CNTN4: variants seen among roughly 807,000 people sequenced by gnomAD.
The protein encoded by CNTN4 is contactin-4.
In CNTN4, 77 loss-of-function variants were observed where a neutral mutation model predicts 122.5. The ratio of observed to expected loss-of-function variants is 0.63; its 90% CI spans 0.52 to 0.76. The LOEUF (loss-of-function observed/expected upper bound fraction) is 0.76. Among genes scored for constraint, CNTN4 ranks in the 30% least tolerant of loss-of-function variants. The pLI is 0.00. For synonymous variants in CNTN4, 512 were observed against 447.0 expected, an observed-to-expected ratio of 1.15 and a Z score of -1.83; for missense variants, 1,256 against 1,259.1, an observed-to-expected ratio of 1.00 and a Z score of 0.04.
chr3:2,422,803 A>G (rs1042884699), intron 3 of CNTN4, among the ~76,000 whole-genome samples: 1 of 152,172 alleles, frequency 6.6e-6, no homozygotes, highest in Non-Finnish European at 1.5e-5. Flanking sequence ...CATGGTTTCA[A>G]AGGGTTGCTT....
intron 4 of CNTN4, among the ~76,000 whole-genome samples, chr3:2,667,164 A>C (rs2084217167): frequency 6.6e-6 from 1 of 152,168 alleles, no homozygotes; most frequent in South Asian, 2.1e-4. Context: ...AGGAATCGCC[A>C]CACTAACTTC....
chr3:3,032,384 T>C (rs1017240484), intron 16 of CNTN4, among the ~76,000 whole-genome samples: 1 of 152,244 alleles, frequency 6.6e-6, no homozygotes, highest in African/African-American at 2.4e-5. Flanking sequence ...TTAAATGATA[T>C]TGTATACTTC....
At chr3:2,684,512 G>A (rs1443539243) in intron 4 of CNTN4, among the ~76,000 whole-genome samples, 1 of 152,116 alleles carries the variant, frequency 6.6e-6, no homozygotes, top group Non-Finnish European at 1.5e-5. Flanking sequence ...CTACAGTAGA[G>A]TCTAATGCTG....
At chr3:2,835,007 C>G (rs1298327143) in intron 7 of CNTN4, among the ~76,000 whole-genome samples, 1 of 148,408 alleles carries the variant, frequency 6.7e-6, no homozygotes, top group Non-Finnish European at 1.5e-5. Flanking sequence ...CGGGTTCACA[C>G]CATTCTCCTG....
At chr3:2,917,228 C>T (rs144992882) in intron 12 of CNTN4, among the ~76,000 whole-genome samples, 2,962 of 151,366 alleles carry the variant, frequency 0.02, 106 homozygotes, top group East Asian at 0.086. Context: ...GCAGGGAGGT[C>T]GCAGTGAGCC....
intron 4 of CNTN4, among the ~76,000 whole-genome samples, chr3:2,615,351 T>C (rs2081671909): frequency 6.6e-6 from 1 of 152,198 alleles, no homozygotes; most frequent in South Asian, 2.1e-4. Context: ...AATTAAACCT[T>C]GCAGGTGTCA....
chr3:2,461,001 C>G lies in CNTN4; in HGVS notation c.-88-110415C>G, dbSNP rs188435893. Among the ~76,000 whole-genome samples the G allele has an allele frequency of 2.0e-5, 3 of 152,198 alleles. No individual in the cohort carries two copies. In the East Asian group the frequency reaches 5.8e-4, roughly 29 times the overall value. On this transcript the variant is annotated intron_variant, in intron 3 of 24. Coordinates refer to ENST00000418658, the MANE Select transcript of CNTN4 (RefSeq NM_175607.3). ...TAAATTCGTGTGATCTAGGAAGCCCCTGTCCTTCTGGGTGATGAGTGGAAT... is the reference window on the plus strand; with the variant it reads ...TAAATTCGTGTGATCTAGGAAGCCCGTGTCCTTCTGGGTGATGAGTGGAAT...
chr3:3,040,295 A>G, intron 20 of CNTN4, 24 bp downstream of exon 20: 3 of 1,499,744 alleles, frequency 2.0e-6, no homozygotes. Flanking sequence ...TGCCTAGATC[A>G]TTGACTGTTA....
chr3:2,484,818 C>T (rs559362318), intron 3 of CNTN4, among the ~76,000 whole-genome samples: 3 of 152,334 alleles, frequency 2.0e-5, no homozygotes, highest in Non-Finnish European at 4.4e-5. Flanking sequence ...TGGCCATGCT[C>T]GAGGAGCCCT....
In CNTN4 at chr3:2,786,247, G is replaced by A. The variant is rs1559502363; in HGVS notation, c.359-33239G>A. On this transcript the variant is annotated intron_variant, in intron 6 of 24. Coordinates refer to ENST00000418658, the MANE Select transcript of CNTN4 (RefSeq NM_175607.3). ...CAAGGACCTGAGTGCAGGTGCAAGA[G>A]GCTGTCACACTGACCCTCCACTGAG... Among the ~76,000 whole-genome samples the A allele has an allele frequency of 2.0e-5, 3 of 152,128 alleles. No individual in the cohort carries two copies. The South Asian group carries it at 6.2e-4, about 32-fold the overall frequency.
At chr3:2,318,235 A>G (rs1186639484) in intron 2 of CNTN4, among the ~76,000 whole-genome samples, 1 of 151,568 alleles carries the variant, frequency 6.6e-6, no homozygotes, top group Non-Finnish European at 1.5e-5. Context: ...AAAAAAAAAA[A>G]GAGTATGTGT....
At chr3:2,512,194 G>C (rs1021009886) in intron 3 of CNTN4, among the ~76,000 whole-genome samples, 2 of 152,062 alleles carry the variant, frequency 1.3e-5, no homozygotes, top group African/African-American at 4.8e-5. Flanking sequence ...TCAGTTGCAT[G>C]CTGTTTAGAA....
chr3:2,647,766 T>C (rs1036962268), intron 4 of CNTN4, among the ~76,000 whole-genome samples: 2 of 152,186 alleles, frequency 1.3e-5, no homozygotes, highest in Non-Finnish European at 2.9e-5. Flanking sequence ...TTTTGTAAAT[T>C]CTAAATTGCT....
chr3:2,396,312 A>C (rs887702496), intron 3 of CNTN4, among the ~76,000 whole-genome samples: 2 of 152,214 alleles, frequency 1.3e-5, no homozygotes, highest in Non-Finnish European at 2.9e-5. Flanking sequence ...GGCATGAGCC[A>C]AAGCGCCCAG....
At chr3:2,416,182 G>C (rs1399324300) in intron 3 of CNTN4, among the ~76,000 whole-genome samples, 1 of 151,966 alleles carries the variant, frequency 6.6e-6, no homozygotes, top group Non-Finnish European at 1.5e-5. Context: ...TAAGTTATAA[G>C]CTTATTTCCT....
At chr3:2,716,704 C>A (rs2063895) in intron 4 of CNTN4, among the ~76,000 whole-genome samples, 42,459 of 151,950 alleles carry the variant, frequency 0.28, 8,371 homozygotes, top group African/African-American at 0.55. Context: ...TTTTGTGAAA[C>A]TATCACCACT....
At chr3:3,045,934 T>G (rs1700600999) in intron 23 of CNTN4, among the ~76,000 whole-genome samples, 1 of 152,136 alleles carries the variant, frequency 6.6e-6, no homozygotes, top group South Asian at 2.1e-4. Flanking sequence ...AGTCCTTAAA[T>G]GACCTGATGG....
At chr3:2,470,365 G>A (rs773646768) in intron 3 of CNTN4, among the ~76,000 whole-genome samples, 3 of 152,100 alleles carry the variant, frequency 2.0e-5, no homozygotes, top group Non-Finnish European at 2.9e-5. Flanking sequence ...GTGAGCCACC[G>A]CGCCTGGCCA....
At chr3:2,212,116 T>C (rs989914162) in intron 2 of CNTN4, among the ~76,000 whole-genome samples, 3 of 152,062 alleles carry the variant, frequency 2.0e-5, no homozygotes, top group African/African-American at 7.2e-5. Flanking sequence ...GGATTACAGA[T>C]GTGTGCCACC....
Sources: allele counts gnomAD v4.1 joint callset (sites outside exome capture counted in the v4.1 genomes callset), GRCh38; gene constraint gnomAD v4.1.1; transcripts MANE v1.5; gene names NCBI Gene and HGNC (gene_info 2026-07-23, HGNC 2026-07-21).